The following MROH1 variants were observed in gnomAD, a reference collection of about 807,000 sequenced individuals.
The protein encoded by MROH1 is maestro heat-like repeat-containing protein family member 1.
Under a neutral mutation model 116.5 loss-of-function variants are expected in MROH1, and 117 were observed. That is an observed-to-expected ratio of 1.00 (90% confidence interval 0.86 to 1.17). The LOEUF (loss-of-function observed/expected upper bound fraction) is 1.17, where lower values mean the gene tolerates loss of function less well. Among genes scored for constraint, MROH1 ranks in the 50% most tolerant of loss-of-function variants. The probability of loss-of-function intolerance (pLI) is 0.00; values close to 1 mark genes in which losing one functional copy is unlikely to be tolerated. For missense variants in MROH1, 1,873 were observed against 1,338.5 expected, an observed-to-expected ratio of 1.40 and a Z score of -6.23; for synonymous variants, 921 against 583.9, an observed-to-expected ratio of 1.58 and a Z score of -8.32.
At chr8:144,251,413 T>C (rs1465805572) in intron 33 of MROH1, 2 of 152,276 alleles carry the variant, frequency 1.3e-5, no homozygotes, top group African/African-American at 4.8e-5. Context: ...CATTTTGTTT[T>C]TTAAAAATCT....
intron 24 of MROH1, 54 bp from the exon 25 acceptor site, chr8:144,243,440 G>T: frequency 1.3e-6 from 1 of 773,768 alleles, no homozygotes; most frequent in African/African-American, 1.7e-5. Flanking sequence ...GTATGCGCGG[G>T]TTCAGCCCTG....
intron 20 of MROH1, 131 bp downstream of exon 20, chr8:144,240,808 G>A: frequency 1.5e-6 from 1 of 679,506 alleles, no homozygotes; most frequent in Admixed American, 2.1e-5. Flanking sequence ...TGTGGTGGCT[G>A]AGGGCCAGGA....
chr8:144,160,679 A>G (rs1351319192), intron 1 of MROH1, among the ~76,000 whole-genome samples: 1 of 149,758 alleles, frequency 6.7e-6, no homozygotes, highest in African/African-American at 2.5e-5. Flanking sequence ...ATTTATTACC[A>G]TAAAGTTCTT....
chr8:144,168,268 C>CAT (rs748183564), intron 3 of MROH1, 27 bp from the exon 4 acceptor site: 13 of 1,564,376 alleles, frequency 8.3e-6, no homozygotes, highest in Admixed American at 1.8e-5. Flanking sequence ...TGGGCCTGAG[C>CAT]ATGCTAACCA....
chr8:144,213,107 G>T (rs376468888), intron 12 of MROH1: 1 of 774,424 alleles, frequency 1.3e-6, no homozygotes. Flanking sequence ...GGCCGCGCCC[G>T]CGTCTGTTGC....
intron 1 of MROH1, among the ~76,000 whole-genome samples, chr8:144,158,517 A>G (rs1412376546): frequency 6.6e-6 from 1 of 152,164 alleles, no homozygotes; most frequent in Non-Finnish European, 1.5e-5. Context: ...AAAGACATTT[A>G]GTGCTATAAG....
At chr8:144,200,616 C>A in intron 12 of MROH1, 75 bp downstream of exon 12, 2 of 1,040,220 alleles carry the variant, frequency 1.9e-6, no homozygotes, top group Non-Finnish European at 2.9e-6. Context: ...CAGATTGTGT[C>A]CCTCTAAGTG....
chr8:144,179,586 G>A lies in MROH1; in HGVS notation c.300G>A (p.Lys100=), dbSNP rs1432281052. ...LLASSEMTKT[K]DLVWDWQQAA... ...CCTCCAGCGAGATGACCAAGACGAAGGTATTCAGCAGGCCCTCTGGCCTCG... is the reference window on the plus strand; with the variant it reads ...CCTCCAGCGAGATGACCAAGACGAAAGTATTCAGCAGGCCCTCTGGCCTCG... Residue 100 remains lysine, a splice_region_variant and synonymous_variant, in exon 5 of 44, where the codon AAG becomes AAA. Coordinates refer to ENST00000326134, the MANE Select transcript of MROH1 (RefSeq NM_032450.3). The A allele has an allele frequency of 2.5e-6, 4 of 1,606,944 alleles. No individual in the cohort carries two copies. Among genetic ancestry groups the A allele is most frequent in the African/African-American group, 1.3e-5 (1 of 74,770 alleles).
chr8:144,234,767 C>T (rs549440642), intron 14 of MROH1, among the ~76,000 whole-genome samples: 1 of 151,070 alleles, frequency 6.6e-6, no homozygotes. Flanking sequence ...ATCTACCCAC[C>T]TTGGCCTCCT....
intron 4 of MROH1, among the ~76,000 whole-genome samples, 199 bp from the exon 5 acceptor site, chr8:144,179,256 C>G (rs1412659390): frequency 6.6e-6 from 1 of 152,110 alleles, no homozygotes; most frequent in African/African-American, 2.4e-5. Context: ...TAACGCTCCA[C>G]CCTTCTGGAG....
At chr8:144,232,763 G>A (rs893561058) in intron 14 of MROH1, among the ~76,000 whole-genome samples, 4 of 151,672 alleles carry the variant, frequency 2.6e-5, no homozygotes, top group South Asian at 2.1e-4. Flanking sequence ...AAAGTGCTGG[G>A]ATTACAGGCG....
intron 1 of MROH1, among the ~76,000 whole-genome samples, chr8:144,149,401 C>A (rs1816197348): frequency 6.6e-6 from 1 of 152,112 alleles, no homozygotes; most frequent in South Asian, 2.1e-4. Context: ...ACCTGCACCT[C>A]GTCATTTCCC....
At chr8:144,171,667 T>C (rs1306980426) in intron 4 of MROH1, among the ~76,000 whole-genome samples, 1 of 152,180 alleles carries the variant, frequency 6.6e-6, no homozygotes, top group Non-Finnish European at 1.5e-5. Flanking sequence ...TTTTCCTTAT[T>C]CCGCCATGCA....
intron 10 of MROH1, among the ~76,000 whole-genome samples, chr8:144,198,440 A>G (rs1830416182): frequency 6.6e-6 from 1 of 152,118 alleles, no homozygotes; most frequent in Admixed American, 6.5e-5. Context: ...TTTGTTTGAG[A>G]CAGGGTCTTG....
intron 3 of MROH1, among the ~76,000 whole-genome samples, chr8:144,165,825 G>C (rs966100728): frequency 6.8e-6 from 1 of 147,552 alleles, no homozygotes; most frequent in African/African-American, 2.5e-5. Context: ...TTAAGTGATC[G>C]GCCTCCCAAA....
chr8:144,188,678 G>A (rs1012858237), intron 7 of MROH1, among the ~76,000 whole-genome samples: 1 of 151,986 alleles, frequency 6.6e-6, no homozygotes, highest in South Asian at 2.1e-4. Flanking sequence ...ATGTTGCCCA[G>A]GATGGTCTCG....
Position 144,259,986 on chromosome 8 carries a change from G to C in MROH1, c.4120G>C (p.Asp1374His), listed in dbSNP as rs1215527806. The C allele has an allele frequency of 1.4e-6, 1 of 738,502 alleles. No individual in the cohort carries two copies. Among genetic ancestry groups the C allele is most frequent in the Non-Finnish European group, 2.5e-6 (1 of 399,442 alleles). 45.7% of individuals were successfully genotyped at this position (738,502 alleles called of 1,614,324 possible). Residue 1374 changes from aspartate to histidine, a missense_variant, in exon 38 of 44, where the codon GAC becomes CAC. By Grantham distance (81) the Asp-to-His change is moderately conservative. Transcript: ENST00000326134. ...LLESLAARQK[D>H]TCASVRRLVL... ...GGAGAGCCTGGCGGCTCGCCAGAAG[G>C]ACACATGCGCCAGCGTGCGGAGGCT... is the stretch of plus-strand genomic sequence containing the variant.
chr8:144,201,943 A>G (rs992993387), intron 12 of MROH1, among the ~76,000 whole-genome samples: 1 of 151,718 alleles, frequency 6.6e-6, no homozygotes, highest in Non-Finnish European at 1.5e-5. Context: ...GCTTAAACTC[A>G]GAAGGCTGAG....
intron 35 of MROH1, among the ~76,000 whole-genome samples, chr8:144,256,810 A>G (rs1843912169): frequency 6.6e-6 from 1 of 152,226 alleles, no homozygotes. Flanking sequence ...TCGTGAGCCA[A>G]ACACACGCTT....
Sources: gnomAD v4.1 joint callset for allele counts (sites outside exome capture counted in the v4.1 genomes callset) on GRCh38, gnomAD v4.1.1 for gene constraint, MANE v1.5 for transcripts, NCBI Gene and HGNC (gene_info 2026-07-23, HGNC 2026-07-21) for gene names.